The following NEK10 variants were observed in gnomAD, a reference collection of about 807,000 sequenced individuals.
NEK10 encodes NIMA related kinase 10.
A neutral mutation model predicts 159.8 loss-of-function variants in NEK10; 122 were observed. The observed-to-expected ratio is 0.76, with a 90% CI of 0.66 to 0.89. NEK10 has a LOEUF of 0.89. NEK10 is among the 40% of genes least tolerant of loss of function. The pLI, the probability that NEK10 is intolerant of heterozygous loss-of-function variation, is 0.00. For missense variants in NEK10, 1,342 were observed against 1,323.1 expected (o/e 1.01, Z -0.22); for synonymous variants, 466 against 457.1 (o/e 1.02, Z -0.25).
chr3:27,135,306 G>A (rs1943075276), intron 31 of NEK10, among the ~76,000 whole-genome samples: 1 of 152,060 alleles, frequency 6.6e-6, no homozygotes, highest in South Asian at 2.1e-4. Context: ...TTCATTTGAG[G>A]CAAGTAGTCT....
chr3:27,297,152 C>A, intron 14 of NEK10, 27 bp downstream of exon 14: 1 of 1,541,066 alleles, frequency 6.5e-7, no homozygotes, highest in Middle Eastern at 1.7e-4. Flanking sequence ...GTTATGGAGA[C>A]CTGACCTTGA....
intron 23 of NEK10, among the ~76,000 whole-genome samples, chr3:27,209,798 CA>C (rs1391162287): frequency 6.6e-6 from 1 of 152,076 alleles, no homozygotes. Context: ...ATCTCACCCC[CA>C]AAAAACACTT....
chr3:27,254,942 C>CAT (rs1553604687), intron 23 of NEK10, among the ~76,000 whole-genome samples: 3 of 151,916 alleles, frequency 2.0e-5, no homozygotes, highest in African/African-American at 7.3e-5. Context: ...CACACACACA[C>CAT]ACACACACAC....
intron 5 of NEK10, among the ~76,000 whole-genome samples, chr3:27,332,901 A>G (rs2046527191): frequency 6.6e-6 from 1 of 152,214 alleles, no homozygotes; most frequent in Non-Finnish European, 1.5e-5. Flanking sequence ...AAAGATTGGA[A>G]GACCACAATT....
intron 6 of NEK10, among the ~76,000 whole-genome samples, chr3:27,319,109 A>G (rs1451814031): frequency 1.3e-5 from 2 of 152,178 alleles, no homozygotes; most frequent in African/African-American, 2.4e-5. Context: ...AAGTCTACTC[A>G]ATCGCACTAT....
chr3:27,181,142 A>G (rs986615297), intron 26 of NEK10, among the ~76,000 whole-genome samples: 1 of 152,112 alleles, frequency 6.6e-6, no homozygotes, highest in African/African-American at 2.4e-5. Context: ...ACAACATGGG[A>G]GTGAGGGGCA....
intron 29 of NEK10, 30 bp from the exon 30 acceptor site, chr3:27,162,768 G>T: frequency 6.2e-7 from 1 of 1,613,850 alleles, no homozygotes; most frequent in Non-Finnish European, 8.5e-7. Flanking sequence ...CCATTAGAAT[G>T]ACCTGTTCAA....
At chr3:27,296,503 G>A (rs2043364163) in intron 14 of NEK10, among the ~76,000 whole-genome samples, 1 of 152,116 alleles carries the variant, frequency 6.6e-6, no homozygotes, top group Non-Finnish European at 1.5e-5. Context: ...TTGATGAGCT[G>A]ATCCCTTACT....
chr3:27,296,227 T>C (rs940401677), intron 14 of NEK10, among the ~76,000 whole-genome samples: 2 of 152,188 alleles, frequency 1.3e-5, no homozygotes, highest in African/African-American at 4.8e-5. Flanking sequence ...ATCTTTACTG[T>C]GTGCAGGCAT....
intron 23 of NEK10, among the ~76,000 whole-genome samples, chr3:27,241,248 C>T (rs1452769077): frequency 6.6e-6 from 1 of 152,140 alleles, no homozygotes; most frequent in Non-Finnish European, 1.5e-5. Flanking sequence ...TTTGAGGCCA[C>T]CCTACAACCA....
intron 6 of NEK10, among the ~76,000 whole-genome samples, chr3:27,318,094 C>T (rs866076601): frequency 1.3e-5 from 2 of 152,206 alleles, no homozygotes; most frequent in African/African-American, 2.4e-5. Flanking sequence ...TGAGCCACCG[C>T]GCCCAGCCAA....
chr3:27,351,389 G>A (rs552699711), intron 3 of NEK10, among the ~76,000 whole-genome samples: 1 of 152,242 alleles, frequency 6.6e-6, no homozygotes, highest in South Asian at 2.1e-4. Flanking sequence ...AGCACACACT[G>A]CAAAGATAGG....
In NEK10 at chr3:27,108,261, C is replaced by T. The variant is rs1173326812; in HGVS notation, c.*3011G>A. Among the ~76,000 whole-genome samples the T allele has an allele frequency of 6.6e-6, 1 of 152,176 alleles. No homozygotes were observed. Among genetic ancestry groups the T allele is most frequent in the African/African-American group, 2.4e-5 (1 of 41,442 alleles). On this transcript the variant is annotated 3_prime_UTR_variant, in exon 36 of 36. Transcript: ENST00000691995. ...CTGCCTAATGCCATACAAGTGTCCA[C>T]AATAAACAAGCAGCATTTCTCTAGG... is the stretch of plus-strand genomic sequence containing the variant.
In NEK10 at chr3:27,179,807, G is replaced by A. The variant is rs571594626; in HGVS notation, c.2506-4974C>T. On this transcript the variant is annotated intron_variant, in intron 26 of 35. Transcript: ENST00000691995. ...TTAAAAGAAACAATGGGGGCTGGGC[G>A]TGGTGGTTCACACCTGTAATCCTAG... Among the ~76,000 whole-genome samples, 13 of 152,332 alleles carry A rather than the reference G, an allele frequency of 8.5e-5. No homozygotes were observed. The East Asian group carries it at 2.1e-3, about 25-fold the overall frequency.
At chr3:27,186,582 G>T (rs1948643673) in intron 26 of NEK10, among the ~76,000 whole-genome samples, 1 of 152,094 alleles carries the variant, frequency 6.6e-6, no homozygotes, top group Non-Finnish European at 1.5e-5. Context: ...GGGAAACTGG[G>T]GCACAGACAG....
chr3:27,216,177 T>C (rs983027457), intron 23 of NEK10, among the ~76,000 whole-genome samples: 2 of 152,102 alleles, frequency 1.3e-5, no homozygotes, highest in Admixed American at 6.6e-5. Flanking sequence ...AATGGGGTCA[T>C]TGAGAAAGAA....
Position 27,114,658 on chromosome 3 carries a change from G to A in NEK10, c.3299+1282C>T, listed in dbSNP as rs369896642. Among the ~76,000 whole-genome samples the A allele has an allele frequency of 7.0e-4, 107 of 152,224 alleles. 2 individuals carry two copies. In the South Asian group the frequency reaches 0.011, roughly 15 times the overall value. On this transcript the variant is annotated intron_variant, in intron 35 of 35. Coordinates refer to ENST00000691995, the MANE Select transcript of NEK10 (RefSeq NM_001394966.1). ...GTTCTTGAGCCCTCTTTCTCTTCCCGTTGTTACTAGTCATCTTTGGTGAAG... is the reference window on the plus strand; with the variant it reads ...GTTCTTGAGCCCTCTTTCTCTTCCCATTGTTACTAGTCATCTTTGGTGAAG...
intron 5 of NEK10, among the ~76,000 whole-genome samples, chr3:27,334,270 C>T (rs1372352089): frequency 6.6e-6 from 1 of 152,212 alleles, no homozygotes; most frequent in Admixed American, 6.5e-5. Flanking sequence ...GCAGCCACCA[C>T]CAACACCAGC....
intron 1 of NEK10, among the ~76,000 whole-genome samples, chr3:27,365,619 T>TTTTTTTTTTTTTTTTTTTTTG (rs1559571627): frequency 7.3e-6 from 1 of 137,826 alleles, no homozygotes; most frequent in African/African-American, 2.8e-5. Context: ...TGTTTTTTTT[T>TTTTTTTTTTTTTTTTTTTTTG]TTTTTTTTTT....
Sources: allele counts gnomAD v4.1 joint callset (sites outside exome capture counted in the v4.1 genomes callset), GRCh38; gene constraint gnomAD v4.1.1; transcripts MANE v1.5; gene names NCBI Gene and HGNC (gene_info 2026-07-23, HGNC 2026-07-21).